The following ATP9A variants were observed in gnomAD, a reference collection of about 807,000 sequenced individuals.
The protein encoded by ATP9A is ATPase phospholipid transporting 9A.
A neutral mutation model predicts 144.1 loss-of-function variants in ATP9A; 52 were observed. The ratio of observed to expected loss-of-function variants is 0.36; its 90% CI spans 0.29 to 0.45. The LOEUF (loss-of-function observed/expected upper bound fraction) is 0.45, where lower values mean the gene tolerates loss of function less well. Among genes scored for constraint, ATP9A ranks in the 20% least tolerant of loss-of-function variants. The probability of loss-of-function intolerance (pLI) is 1.00; values close to 1 mark genes in which losing one functional copy is unlikely to be tolerated. For synonymous variants in ATP9A, 582 were observed against 557.4 expected, an observed-to-expected ratio of 1.04 and a Z score of -0.62; for missense variants, 947 against 1,392.7, an observed-to-expected ratio of 0.68 and a Z score of 5.09.
intron 1 of ATP9A, among the ~76,000 whole-genome samples, chr20:51,761,177 TGAAA>T (rs980751304): frequency 6.6e-6 from 1 of 152,156 alleles, no homozygotes; most frequent in Admixed American, 6.6e-5. Context: ...TTGTGCAGCA[TGAAA>T]GAGGAAACAT....
In ATP9A at chr20:51,625,094, C is replaced by T. The variant is rs185467109; in HGVS notation, c.2016+98G>A. 1.3e-4 allele frequency: 160 copies of T among 1,233,780 alleles called. No homozygotes were observed. In the African/African-American group the frequency reaches 2.2e-3, roughly 17 times the overall value. 76.4% of individuals were successfully genotyped at this position (1,233,780 alleles called of 1,614,324 possible). A position where few individuals can be genotyped will look rare whatever the true frequency, so the allele number is the denominator to read the frequency against. ...GATAAGGCACTCCTGGTGTCCTCTG[C>T]TGCTCCTCCCACCCTTTCCCCCTGT... On this transcript the variant is annotated intron_variant, in intron 18 of 27. Transcript: ENST00000338821.
At chr20:51,647,224 A>G (rs2077345685) in intron 14 of ATP9A, among the ~76,000 whole-genome samples, 1 of 152,154 alleles carries the variant, frequency 6.6e-6, no homozygotes, top group Admixed American at 6.5e-5. Flanking sequence ...AAAGAACAGC[A>G]TCATCTTCCT....
chr20:51,684,943 G>A (rs183277853), intron 9 of ATP9A, among the ~76,000 whole-genome samples: 10 of 151,254 alleles, frequency 6.6e-5, no homozygotes, highest in African/African-American at 2.2e-4. Context: ...CCCAGGAGGC[G>A]GAGCTTGCAG....
rs2077123503 is a variant in ATP9A, at chr20:51,597,350, T to C, written c.*3861A>G. On this transcript the variant is annotated 3_prime_UTR_variant, in exon 28 of 28. Coordinates refer to ENST00000338821, the MANE Select transcript of ATP9A (RefSeq NM_006045.3). ...ATAATTCATGGGAATATTTTAAGTA[T>C]ATATAAGTGGCAAAAAAGCTGTACA... 2 of 152,164 alleles carry C rather than the reference T, an allele frequency of 1.3e-5. No individual in the cohort carries two copies. Among genetic ancestry groups the C allele is most frequent in the South Asian group, 2.1e-4 (1 of 4,822 alleles). 9.4% of individuals were successfully genotyped at this position (152,164 alleles called of 1,614,324 possible). A position where few individuals can be genotyped will look rare whatever the true frequency, so the allele number is the denominator to read the frequency against.
At chr20:51,629,675 TCTAA>T (rs1281093041) in intron 15 of ATP9A, among the ~76,000 whole-genome samples, 1 of 152,164 alleles carries the variant, frequency 6.6e-6, no homozygotes, top group Non-Finnish European at 1.5e-5. Context: ...GATCCCTAAG[TCTAA>T]CTAAGGACTT....
At chr20:51,728,587 ACTGTGCTCCAGC>A (rs1389393614) in intron 2 of ATP9A, among the ~76,000 whole-genome samples, 1 of 148,196 alleles carries the variant, frequency 6.7e-6, no homozygotes, top group Non-Finnish European at 1.5e-5. Context: ...AAGATGGCTC[ACTGTGCTCCAGC>A]CTGGGCGACA....
chr20:51,704,316 A>C (rs905848809), intron 4 of ATP9A, among the ~76,000 whole-genome samples: 3 of 151,784 alleles, frequency 2.0e-5, no homozygotes, highest in Admixed American at 6.6e-5. Context: ...ACACCCTTAC[A>C]GGGGGGAAAT....
intron 1 of ATP9A, 64 bp downstream of exon 1, chr20:51,768,238 C>A (rs138808264): frequency 0.029 from 32,499 of 1,107,040 alleles, 531 homozygotes; most frequent in Non-Finnish European, 0.034. Flanking sequence ...CCCGGCCAGG[C>A]TGGCCCGAGC....
chr20:51,717,169 CA>C (rs10577089), intron 3 of ATP9A, among the ~76,000 whole-genome samples: 32,272 of 100,476 alleles, frequency 0.32, 3,382 homozygotes, highest in African/African-American at 0.45. Context: ...AAGACTGCCT[CA>C]AAAAAAAAAA....
At chr20:51,765,955 CA>C (rs1352259900) in intron 1 of ATP9A, among the ~76,000 whole-genome samples, 1 of 150,136 alleles carries the variant, frequency 6.7e-6, no homozygotes, top group South Asian at 2.1e-4. Flanking sequence ...TACATCGTCT[CA>C]AAAAAAAAGA....
In ATP9A at chr20:51,613,112, A is replaced by G. The variant is rs113795602; in HGVS notation, c.2571+565T>C. ...CCCATCCGTAAAATGGGCTCAGGCT[A>G]TTGTGAGGCTTATGTGAGACACTGC... On this transcript the variant is annotated intron_variant, in intron 23 of 27. Transcript: ENST00000338821. Among the ~76,000 whole-genome samples the G allele has an allele frequency of 8.8e-3, 1,334 of 152,270 alleles. 26 individuals are homozygous for G. Among genetic ancestry groups the G allele is most frequent in the African/African-American group, 0.03 (1,258 of 41,552 alleles).
intron 3 of ATP9A, among the ~76,000 whole-genome samples, chr20:51,714,481 A>C (rs1024090635): frequency 1.3e-5 from 2 of 152,088 alleles, no homozygotes; most frequent in African/African-American, 4.8e-5. Flanking sequence ...TCCCGGGCTC[A>C]AGCGATTCTC....
At chr20:51,661,252 C>A (rs1399789884) in intron 13 of ATP9A, among the ~76,000 whole-genome samples, 1 of 152,150 alleles carries the variant, frequency 6.6e-6, no homozygotes, top group Non-Finnish European at 1.5e-5. Flanking sequence ...AAAAATTAAA[C>A]GTTGAGTCAC....
At chr20:51,693,949 T>G in intron 7 of ATP9A, 59 bp downstream of exon 7, 2 of 1,305,240 alleles carry the variant, frequency 1.5e-6, no homozygotes, top group Non-Finnish European at 2.1e-6. Flanking sequence ...CAGGTATGAG[T>G]TTGAGAACCC....
At chr20:51,738,838 T>C (rs1414479629) in intron 1 of ATP9A, among the ~76,000 whole-genome samples, 4 of 152,184 alleles carry the variant, frequency 2.6e-5, no homozygotes, top group Admixed American at 2.6e-4. Context: ...ATCCCAGCAC[T>C]TTGGGAGGCC....
rs77073866 is a variant in ATP9A at position 51,711,787 on chromosome 20, A to G, written c.436+1179T>C. ...GCATTTAAAATGCACATATCTTGCA[A>G]GTGGGGGGTCAGTGATTAAAGCTTT... On this transcript the variant is annotated intron_variant, in intron 4 of 27. Transcript: ENST00000338821. 3.5e-4 allele frequency among the ~76,000 whole-genome samples: 33 copies of G among 95,460 alleles called. 3 individuals carry two copies. The highest frequency in any genetic ancestry group is 6.4e-4 in the East Asian group (1 of 1,572). 62.6% of individuals were successfully genotyped at this position (95,460 alleles called of 152,430 possible). A position where few individuals can be genotyped will look rare whatever the true frequency, so the allele number is the denominator to read the frequency against.
chr20:51,726,419 C>T (rs137861856), intron 2 of ATP9A, among the ~76,000 whole-genome samples: 91 of 148,482 alleles, frequency 6.1e-4, no homozygotes, highest in African/African-American at 2.2e-3. Flanking sequence ...GAAAAACATA[C>T]ATGGGTAATA....
rs767030148 is a variant in ATP9A, at chr20:51,618,750, G to A, written c.2262C>T (p.Ala754=). 36 of 1,610,226 alleles carry A rather than the reference G, an allele frequency of 2.2e-5. No homozygotes were observed. In the Admixed American group the frequency reaches 2.5e-4, roughly 11 times the overall value. The change falls in exon 21 of 28, where the codon GCC becomes GCT. Residue 754 remains alanine, a synonymous_variant. Coordinates refer to ENST00000338821, the MANE Select transcript of ATP9A (RefSeq NM_006045.3). The stretch of plus-strand genomic sequence containing the variant: ...TGGGGGCACATCGGCAGCAGACTAC[G>A]GCCGGGCACTGGCAGGCCAGCTCCA... The part of the protein sequence containing the change: ...EFMELACQCP[A]VVCCRCAPTQ...
intron 3 of ATP9A, among the ~76,000 whole-genome samples, chr20:51,718,179 T>C (rs1022118058): frequency 1.3e-5 from 2 of 152,216 alleles, no homozygotes; most frequent in African/African-American, 4.8e-5. Context: ...ATGGCTGCCT[T>C]CGAGGACACC....
Sources: gnomAD v4.1 joint callset for allele counts (sites outside exome capture counted in the v4.1 genomes callset) on GRCh38, gnomAD v4.1.1 for gene constraint, MANE v1.5 for transcripts, NCBI Gene and HGNC (gene_info 2026-07-23, HGNC 2026-07-21) for gene names.